SLC13A1: variants seen among roughly 807,000 people sequenced by gnomAD.
SLC13A1 encodes Na(+)/sulfate cotransporter.
SLC13A1 carries 65 observed loss-of-function variants against 70.0 expected under a neutral mutation model. That is an observed-to-expected ratio of 0.93 (90% CI 0.76 to 1.14). SLC13A1 has a LOEUF of 1.14. Ranked by LOEUF, SLC13A1 falls within the 50% of genes most tolerant of loss-of-function variation. The probability of loss-of-function intolerance (pLI) is 0.00; values close to 1 mark genes in which losing one functional copy is unlikely to be tolerated. For synonymous variants in SLC13A1, 275 were observed against 250.5 expected (o/e 1.10, Z -0.92); for missense variants, 726 against 717.8 (o/e 1.01, Z -0.13).
intron 6 of SLC13A1, among the ~76,000 whole-genome samples, chr7:123,158,544 T>C (rs1246021231): frequency 6.6e-6 from 1 of 151,918 alleles, no homozygotes; most frequent in Non-Finnish European, 1.5e-5. Context: ...CAATTGAATA[T>C]TGAGAAATAA....
intron 7 of SLC13A1, among the ~76,000 whole-genome samples, chr7:123,138,637 T>G (rs2116364977): frequency 6.6e-6 from 1 of 152,286 alleles, no homozygotes; most frequent in Non-Finnish European, 1.5e-5. Flanking sequence ...TGATATCTCT[T>G]TGTAGTTTTG....
chr7:123,136,716 T>C (rs550109863), intron 7 of SLC13A1, among the ~76,000 whole-genome samples: 6 of 152,130 alleles, frequency 3.9e-5, no homozygotes, highest in African/African-American at 1.4e-4. Context: ...ACACAGGCAA[T>C]AAACAGGTAA....
chr7:123,189,022 G>A (rs1795908405), intron 1 of SLC13A1, among the ~76,000 whole-genome samples: 3 of 146,230 alleles, frequency 2.1e-5, no homozygotes, highest in African/African-American at 7.5e-5. Context: ...GGCTGAGGCA[G>A]GAGAATGGCG....
chr7:123,173,187 T>A (rs1013988676), intron 2 of SLC13A1, among the ~76,000 whole-genome samples: 2 of 152,034 alleles, frequency 1.3e-5, no homozygotes, highest in African/African-American at 4.8e-5. Flanking sequence ...AAAAGGAAAA[T>A]CAATTCTTAT....
At chr7:123,133,751 C>G (rs540401448) in intron 8 of SLC13A1, among the ~76,000 whole-genome samples, 4 of 152,046 alleles carry the variant, frequency 2.6e-5, no homozygotes, top group East Asian at 1.9e-4. Flanking sequence ...AGGATTGTGT[C>G]GATATCCTGA....
In SLC13A1 at chr7:123,173,905, A is replaced by G. The variant is rs946623304; in HGVS notation, c.229-2001T>C. ...ACTTCCTAGTCTCCCACCTCTTTCAACTCTTACTCTAGGTATAAGTATTTC... is the reference window on the plus strand; with the variant it reads ...ACTTCCTAGTCTCCCACCTCTTTCAGCTCTTACTCTAGGTATAAGTATTTC... On this transcript the variant is annotated intron_variant, in intron 2 of 14. Coordinates refer to ENST00000194130, the MANE Select transcript of SLC13A1 (RefSeq NM_022444.4). Among the ~76,000 whole-genome samples the G allele has an allele frequency of 3.8e-4, 56 of 148,058 alleles. 1 individual carries two copies. The highest frequency in any genetic ancestry group is 1.3e-3 in the African/African-American group (54 of 40,106).
intron 6 of SLC13A1, among the ~76,000 whole-genome samples, chr7:123,162,190 G>A (rs1176800408): frequency 6.6e-6 from 1 of 151,926 alleles, no homozygotes; most frequent in Non-Finnish European, 1.5e-5. Flanking sequence ...TATGCTATTT[G>A]CTAGATAATA....
At chr7:123,197,279 T>A (rs913563482) in intron 1 of SLC13A1, among the ~76,000 whole-genome samples, 1 of 152,140 alleles carries the variant, frequency 6.6e-6, no homozygotes, top group Non-Finnish European at 1.5e-5. Flanking sequence ...TGGCTCTACA[T>A]CCTGTAGATT....
chr7:123,140,576 A>G (rs1794101855), intron 7 of SLC13A1, among the ~76,000 whole-genome samples: 1 of 152,146 alleles, frequency 6.6e-6, no homozygotes, highest in South Asian at 2.1e-4. Flanking sequence ...TTACTGGAAG[A>G]ATTTTATTAT....
intron 10 of SLC13A1, among the ~76,000 whole-genome samples, chr7:123,128,030 C>T (rs1197124158): frequency 6.6e-6 from 1 of 151,634 alleles, no homozygotes; most frequent in Non-Finnish European, 1.5e-5. Flanking sequence ...TACCCTTCCC[C>T]CTCACTTCAC....
intron 1 of SLC13A1, among the ~76,000 whole-genome samples, chr7:123,185,508 A>C (rs1301816159): frequency 6.6e-6 from 1 of 152,044 alleles, no homozygotes; most frequent in African/African-American, 2.4e-5. Flanking sequence ...GTGGATATTT[A>C]GTTTCACTAA....
intron 6 of SLC13A1, among the ~76,000 whole-genome samples, chr7:123,153,942 G>A (rs1177178862): frequency 1.3e-5 from 2 of 151,958 alleles, no homozygotes; most frequent in Non-Finnish European, 2.9e-5. Flanking sequence ...GAGCTTAGTG[G>A]TATCTTCCAC....
intron 8 of SLC13A1, among the ~76,000 whole-genome samples, chr7:123,131,031 T>C (rs1185062083): frequency 6.6e-6 from 1 of 152,188 alleles, no homozygotes; most frequent in Non-Finnish European, 1.5e-5. Context: ...TTGGAATGTT[T>C]ATGAGCAGCT....
rs1563314518 is a variant in SLC13A1, at chr7:123,117,451, A to T, written c.1650+20T>A. On this transcript the variant is annotated intron_variant, in intron 14 of 14. Transcript: ENST00000194130. The stretch of plus-strand genomic sequence containing the variant: ...CAAGATGTGTATTGGATTTGATAGT[A>T]TTTTTTTCAGCTAACTCACCATGTC... The T allele has an allele frequency of 3.7e-6, 6 of 1,609,718 alleles. No individual in the cohort carries two copies. In the South Asian group the frequency reaches 6.6e-5, roughly 18 times the overall value.
At chr7:123,193,173 G>C (rs565178571) in intron 1 of SLC13A1, among the ~76,000 whole-genome samples, 5 of 152,132 alleles carry the variant, frequency 3.3e-5, no homozygotes, top group Non-Finnish European at 7.4e-5. Context: ...ATCACCTGGG[G>C]AGTTTGTTCA....
In SLC13A1 at chr7:123,168,393, C is replaced by T. The variant is rs2116540387; in HGVS notation, c.641G>A (p.Ser214Asn). The change falls in exon 6 of 15, where the codon AGC becomes AAC. Residue 214 changes from serine (S) to asparagine (N), a missense_variant. Transcript: ENST00000194130. ...ATGTACCTTTTCCAACTCCACCTTG[C>T]TTGAAATTTTCCCTGTATCATTATT... ...GYNNDTGKIS[S>N]KVELEKNSGM... The T allele has an allele frequency of 2.5e-6, 4 of 1,586,046 alleles. No homozygotes were observed. The South Asian group carries it at 4.5e-5, about 18-fold the overall frequency.
Position 123,168,549 on chromosome 7 carries a change from C to G in SLC13A1, c.566G>C (p.Gly189Ala), listed in dbSNP as rs146047246. The G allele has an allele frequency of 4.9e-5, 78 of 1,606,886 alleles. No homozygotes were observed. The African/African-American group carries it at 9.6e-4, about 20-fold the overall frequency. ...CTCTTTCCTCTCATTTATTTCATGT[C>G]CATTAACACTTTCTGCAAAACATTA... ...HGLEIDESVN[G>A]HEINERKEKT... The change falls in exon 5 of 15, where the codon GGA becomes GCA. Residue 189 changes from glycine to alanine, a missense_variant. By Grantham distance (60) the Gly-to-Ala change is moderately conservative. Coordinates refer to ENST00000194130, the MANE Select transcript of SLC13A1 (RefSeq NM_022444.4).
intron 6 of SLC13A1, among the ~76,000 whole-genome samples, chr7:123,153,337 A>G (rs902325868): frequency 1.4e-4 from 22 of 152,122 alleles, no homozygotes; most frequent in Non-Finnish European, 2.5e-4. Context: ...TTCAGGGTAA[A>G]AATTCTACAG....
intron 10 of SLC13A1, among the ~76,000 whole-genome samples, chr7:123,127,444 C>T (rs1265865912): frequency 6.6e-6 from 1 of 152,074 alleles, no homozygotes; most frequent in Non-Finnish European, 1.5e-5. Context: ...TAGATAAAGA[C>T]TCTCCCTGTC....
Sources: gnomAD v4.1 joint callset for allele counts (sites outside exome capture counted in the v4.1 genomes callset) on GRCh38, gnomAD v4.1.1 for gene constraint, MANE v1.5 for transcripts, NCBI Gene and HGNC (gene_info 2026-07-23, HGNC 2026-07-21) for gene names.